SLCO2A1: variants seen among roughly 807,000 people sequenced by gnomAD.
SLCO2A1 encodes the protein solute carrier organic anion transporter family member 2A1, also known as matrin F/G 1.
A neutral mutation model predicts 71.7 loss-of-function variants in SLCO2A1; 60 were observed. That is an observed-to-expected ratio of 0.84 (90% CI 0.68 to 1.04). The LOEUF is 1.04. Among genes scored for constraint, SLCO2A1 ranks in the 50% least tolerant of loss-of-function variants. The probability of loss-of-function intolerance (pLI) is 0.00; values close to 1 mark genes in which losing one functional copy is unlikely to be tolerated. For synonymous variants in SLCO2A1, 308 were observed against 326.7 expected (o/e 0.94, Z 0.62); for missense variants, 745 against 813.4 (o/e 0.92, Z 1.02).
intron 13 of SLCO2A1, 32 bp from the exon 14 acceptor site, chr3:133,934,862 G>A: frequency 6.4e-7 from 1 of 1,558,090 alleles, no homozygotes; most frequent in Non-Finnish European, 8.8e-7. Context: ...ACTGGTGAGG[G>A]AGGGGGCTCT....
chr3:133,958,100 C>A (rs1933938884), intron 3 of SLCO2A1, among the ~76,000 whole-genome samples: 1 of 152,200 alleles, frequency 6.6e-6, no homozygotes, highest in African/African-American at 2.4e-5. Context: ...CCCTCCCACT[C>A]AGGAATCTAT....
At chr3:133,958,861 G>A (rs1933963290) in intron 3 of SLCO2A1, among the ~76,000 whole-genome samples, 1 of 152,208 alleles carries the variant, frequency 6.6e-6, no homozygotes, top group African/African-American at 2.4e-5. Context: ...TAAAACCTCA[G>A]GTTGTTGTCA....
chr3:133,980,305 A>G (rs939804389), intron 1 of SLCO2A1, among the ~76,000 whole-genome samples: 1 of 152,238 alleles, frequency 6.6e-6, no homozygotes, highest in African/African-American at 2.4e-5. Flanking sequence ...TCAAGGCCCC[A>G]GGGAAGGGGC....
At chr3:133,972,158 A>G (rs185430608) in intron 3 of SLCO2A1, among the ~76,000 whole-genome samples, 54 of 152,348 alleles carry the variant, frequency 3.5e-4, no homozygotes, top group African/African-American at 1.1e-3. Context: ...GAAACACCAA[A>G]AAATAGTGTC....
intron 1 of SLCO2A1, among the ~76,000 whole-genome samples, chr3:134,029,174 G>T (rs754868954): frequency 6.6e-6 from 1 of 151,996 alleles, no homozygotes; most frequent in Non-Finnish European, 1.5e-5. Context: ...CCCCGCCCCC[G>T]TTGGCGGGAG....
intron 1 of SLCO2A1, among the ~76,000 whole-genome samples, chr3:133,986,960 A>G (rs955421253): frequency 2.0e-4 from 30 of 152,220 alleles, no homozygotes; most frequent in African/African-American, 6.5e-4. Context: ...CCGTGGTTAT[A>G]GGAACACCAG....
intron 1 of SLCO2A1, among the ~76,000 whole-genome samples, chr3:133,981,622 A>C (rs1203823153): frequency 1.3e-5 from 2 of 152,196 alleles, no homozygotes. Flanking sequence ...CAGTCACCGG[A>C]CTAGAAGACT....
Position 133,935,761 on chromosome 3 carries a change from G to T in SLCO2A1, c.1814+13C>A, listed in dbSNP as rs1343962684. ...GCCTGGCTCTGGGACACACATACATGATGGGCCCTCACCTGTCTCGGAGAG... is the reference window on the plus strand; with the variant it reads ...GCCTGGCTCTGGGACACACATACATTATGGGCCCTCACCTGTCTCGGAGAG... On this transcript the variant is annotated intron_variant, in intron 13 of 13. Transcript: ENST00000310926. 2.7e-5 allele frequency: 43 copies of T among 1,583,638 alleles called. No individual in the cohort carries two copies. The highest frequency in any genetic ancestry group is 3.6e-5 in the Non-Finnish European group (42 of 1,162,292).
At chr3:134,002,920 A>G (rs1935133312) in intron 1 of SLCO2A1, among the ~76,000 whole-genome samples, 1 of 152,208 alleles carries the variant, frequency 6.6e-6, no homozygotes, top group Non-Finnish European at 1.5e-5. Flanking sequence ...CTCTGGGGTA[A>G]AATTGATTCA....
At chr3:133,982,919 T>C (rs541717405) in intron 1 of SLCO2A1, among the ~76,000 whole-genome samples, 1 of 152,222 alleles carries the variant, frequency 6.6e-6, no homozygotes, top group African/African-American at 2.4e-5. Flanking sequence ...CAAACAGCTG[T>C]GTTGGTTTGT....
chr3:133,965,781 G>T (rs563422773), intron 3 of SLCO2A1, among the ~76,000 whole-genome samples: 1 of 71,254 alleles, frequency 1.4e-5, no homozygotes, highest in Non-Finnish European at 3.2e-5. Flanking sequence ...CCCCCAAAGG[G>T]CTGGAAGCCT....
chr3:134,026,402 G>T (rs905212461), intron 1 of SLCO2A1, among the ~76,000 whole-genome samples: 4 of 151,428 alleles, frequency 2.6e-5, no homozygotes, highest in Non-Finnish European at 4.4e-5. Context: ...CAGTAGGCAG[G>T]TAGTTTTGTT....
intron 5 of SLCO2A1, 110 bp downstream of exon 5, chr3:133,953,553 C>T: frequency 1.3e-6 from 1 of 793,596 alleles, no homozygotes; most frequent in Non-Finnish European, 2.1e-6. Flanking sequence ...GAGGAGGTGG[C>T]AGAGCGCATC....
chr3:133,948,994 G>A (rs2108042506), intron 6 of SLCO2A1, 23 bp from the exon 7 acceptor site: 1 of 1,601,508 alleles, frequency 6.2e-7, no homozygotes, highest in Non-Finnish European at 8.6e-7. Flanking sequence ...AAAGGGGTGA[G>A]TGTTCACGGC....
At position 134,008,668 on chromosome 3, in the gene SLCO2A1, A is replaced by G. The variant is rs144739243; in HGVS notation, c.96+21039T>C. ...ACTCTTCCTACATGGCAAGGAGCCA[A>G]TCAGATACATTTGCTTCTCCAGGAT... On this transcript the variant is annotated intron_variant, in intron 1 of 13. Transcript: ENST00000310926. Among the ~76,000 whole-genome samples, 21 of 152,306 alleles carry G rather than the reference A, an allele frequency of 1.4e-4. No homozygotes were observed. The Middle Eastern group carries it at 0.01, about 74-fold the overall frequency.
In SLCO2A1 at chr3:133,985,379, A is replaced by G. The variant is rs909558912; in HGVS notation, c.97-5761T>C. Among the ~76,000 whole-genome samples the G allele has an allele frequency of 2.0e-5, 3 of 152,226 alleles. No homozygotes were observed. The South Asian group carries it at 6.2e-4, about 32-fold the overall frequency. On this transcript the variant is annotated intron_variant, in intron 1 of 13. Coordinates refer to ENST00000310926, the MANE Select transcript of SLCO2A1 (RefSeq NM_005630.3). ...TCCACACACACATCACCACTACTTT[A>G]TAATAGATGCTAGCACTCTCCAGAA...
At chr3:133,953,357 C>A (rs1490750086) in intron 5 of SLCO2A1, among the ~76,000 whole-genome samples, 3 of 152,198 alleles carry the variant, frequency 2.0e-5, no homozygotes, top group Non-Finnish European at 4.4e-5. Flanking sequence ...TTTTTAATGC[C>A]ACCAAGATGG....
chr3:133,937,095 G>GCGAGAGAGTC (rs1313206440), intron 12 of SLCO2A1, among the ~76,000 whole-genome samples: 2 of 152,134 alleles, frequency 1.3e-5, no homozygotes, highest in Non-Finnish European at 2.9e-5. Flanking sequence ...TTCAAGCAGT[G>GCGAGAGAGTC]CGAGAGAGTC....
intron 1 of SLCO2A1, among the ~76,000 whole-genome samples, chr3:134,024,647 T>C (rs1189900341): frequency 1.3e-5 from 2 of 152,106 alleles, no homozygotes; most frequent in East Asian, 3.9e-4. Context: ...GGCCCCCAGG[T>C]TTAAGGGCCC....
Sources: gnomAD v4.1 joint callset for allele counts (sites outside exome capture counted in the v4.1 genomes callset) on GRCh38, gnomAD v4.1.1 for gene constraint, MANE v1.5 for transcripts, NCBI Gene and HGNC (gene_info 2026-07-23, HGNC 2026-07-21) for gene names.